Variants in NHLH2 observed in about 807,000 individuals in gnomAD.
NHLH2 encodes helix-loop-helix protein 2.
In NHLH2, 7 loss-of-function variants were observed where a neutral mutation model predicts 7.3. The ratio of observed to expected loss-of-function variants is 0.96; its 90% CI spans 0.55 to 1.81. The LOEUF (loss-of-function observed/expected upper bound fraction) is 1.81. Among genes scored for constraint, NHLH2 ranks in the 40% most tolerant of loss-of-function variants. The probability of loss-of-function intolerance (pLI) is 0.00; values close to 1 mark genes in which losing one functional copy is unlikely to be tolerated. For synonymous variants in NHLH2, 93 were observed against 91.6 expected, an observed-to-expected ratio of 1.01 and a Z score of -0.09; for missense variants, 155 against 194.0, an observed-to-expected ratio of 0.80 and a Z score of 1.19.
At position 115,836,504 on chromosome 1, in the gene NHLH2, C is replaced by G. The variant is rs1435274872; in HGVS notation, c.*1461G>C. 1.3e-5 allele frequency: 2 copies of G among 152,420 alleles called. No homozygotes were observed. The highest frequency in any genetic ancestry group is 2.9e-5 in the Non-Finnish European group (2 of 67,962). The allele number at this position is 152,420 out of a possible 1,614,324, so 9.4% of individuals were successfully genotyped here. ...ATTGCATTATATAAAGCAACAGAGA[C>G]ACAAAAAAACCCTGAAAAAGACTAA... On this transcript the variant is annotated 3_prime_UTR_variant, in exon 3 of 3. Coordinates refer to ENST00000320238, the MANE Select transcript of NHLH2 (RefSeq NM_005599.3).
intron 2 of NHLH2, chr1:115,839,986 AG>A (rs1651019261): frequency 6.0e-6 from 1 of 167,128 alleles, no homozygotes; most frequent in Non-Finnish European, 1.5e-5. Context: ...AGAAATAAAT[AG>A]ACGAGTAATG....
rs1651039029 is a variant in NHLH2 at position 115,840,391 on chromosome 1, T to G, written c.-184A>C. 1 of 167,058 alleles carries G rather than the reference T, an allele frequency of 6.0e-6. No homozygotes were observed. Among genetic ancestry groups the G allele is most frequent in the East Asian group, 1.9e-4 (1 of 5,204 alleles). The allele number at this position is 167,058 out of a possible 1,614,324, so 10.3% of individuals were successfully genotyped here. ...AGCGAGGGACAATAATATCTCAGGATGTAGACGATATGAATGATTGTTCAC... is the reference window on the plus strand; with the variant it reads ...AGCGAGGGACAATAATATCTCAGGAGGTAGACGATATGAATGATTGTTCAC... On this transcript the variant is annotated 5_prime_UTR_variant, in exon 2 of 3. Coordinates refer to ENST00000320238, the MANE Select transcript of NHLH2 (RefSeq NM_005599.3).
chr1:115,831,911 C>T (rs1009011024), downstream of NHLH2, among the ~76,000 whole-genome samples: 3 of 138,516 alleles, frequency 2.2e-5, no homozygotes, highest in Admixed American at 7.7e-5. Flanking sequence ...GGCCACAGAG[C>T]GAGACTTGGT....
downstream of NHLH2, among the ~76,000 whole-genome samples, chr1:115,835,742 A>G (rs1650853385): frequency 6.6e-6 from 1 of 152,172 alleles, no homozygotes; most frequent in Non-Finnish European, 1.5e-5. Context: ...ATAGTTTTTA[A>G]GTCATTTATG....
Position 115,838,395 on chromosome 1 carries a change from G to C in NHLH2, c.-8-15C>G, listed in dbSNP as rs1424986847. 1 of 1,607,162 alleles carries C rather than the reference G, an allele frequency of 6.2e-7. No individual in the cohort carries two copies. Among genetic ancestry groups the C allele is most frequent in the Admixed American group, 1.7e-5 (1 of 59,828 alleles). ...CATTTTGGAGGCTGAGGAGGGGTCG[G>C]AAAATTAATCAGTAAAAGGAATCAG... On this transcript the variant is annotated splice_polypyrimidine_tract_variant and intron_variant, in intron 2 of 2. Transcript: ENST00000320238.
downstream of NHLH2, among the ~76,000 whole-genome samples, chr1:115,834,084 C>T (rs1206758297): frequency 6.6e-6 from 1 of 152,202 alleles, no homozygotes; most frequent in Non-Finnish European, 1.5e-5. Flanking sequence ...TCATTTCCTC[C>T]TTACCCATTC....
chr1:115,831,693 G>T (rs962172424), downstream of NHLH2, among the ~76,000 whole-genome samples: 3 of 152,024 alleles, frequency 2.0e-5, no homozygotes, highest in South Asian at 2.1e-4. Flanking sequence ...CCTAGGGGGG[G>T]GCGGATCACC....
chr1:115,834,977 C>T (rs1650833970), downstream of NHLH2, among the ~76,000 whole-genome samples: 1 of 152,204 alleles, frequency 6.6e-6, no homozygotes, highest in African/African-American at 2.4e-5. Flanking sequence ...ACCCTCTGGT[C>T]TAGCAGACTG....
At chr1:115,833,111 G>T (rs868318872), downstream of NHLH2, among the ~76,000 whole-genome samples, 1 of 152,172 alleles carries the variant, frequency 6.6e-6, no homozygotes, top group Non-Finnish European at 1.5e-5. Flanking sequence ...AGGATGGCAC[G>T]CTAATTTTTA....
intron 2 of NHLH2, 149 bp from the exon 3 acceptor site, chr1:115,838,529 C>A (rs548245961): frequency 7.0e-6 from 6 of 851,710 alleles, no homozygotes; most frequent in Non-Finnish European, 1.1e-5. Flanking sequence ...CGCGGGAGGG[C>A]GCCGATAGGA....
downstream of NHLH2, among the ~76,000 whole-genome samples, chr1:115,831,920 G>T (rs1240708568): frequency 2.4e-5 from 2 of 84,162 alleles, no homozygotes; most frequent in African/African-American, 6.1e-5. Flanking sequence ...GCGAGACTTG[G>T]TCTCAAAAAA....
At chr1:115,831,794 T>C (rs1427693425), downstream of NHLH2, among the ~76,000 whole-genome samples, 3 of 152,040 alleles carry the variant, frequency 2.0e-5, no homozygotes, top group Admixed American at 6.6e-5. Context: ...TGGTGGTACA[T>C]GCCTGTAATC....
At chr1:115,833,086 G>A (rs1483571691), downstream of NHLH2, among the ~76,000 whole-genome samples, 1 of 152,090 alleles carries the variant, frequency 6.6e-6, no homozygotes, top group Non-Finnish European at 1.5e-5. Flanking sequence ...AAAATAAAAT[G>A]GACATTCACG....
chr1:115,832,391 T>C (rs2101190398), downstream of NHLH2, among the ~76,000 whole-genome samples: 1 of 152,342 alleles, frequency 6.6e-6, no homozygotes, highest in South Asian at 2.1e-4. Flanking sequence ...CATTACTATA[T>C]TAAAGAATTA....
At chr1:115,839,508 A>T (rs1188458612) in intron 2 of NHLH2, 1 of 166,856 alleles carries the variant, frequency 6.0e-6, no homozygotes, top group Non-Finnish European at 1.5e-5. Context: ...GGGCGCCTGG[A>T]GCACTGGCCC....
downstream of NHLH2, among the ~76,000 whole-genome samples, chr1:115,834,671 G>T (rs566275587): frequency 6.6e-6 from 1 of 152,234 alleles, no homozygotes; most frequent in East Asian, 1.9e-4. Flanking sequence ...AGCACGTCCA[G>T]CCCCCATCCT....
chr1:115,833,325 C>T (rs1650794399), downstream of NHLH2, among the ~76,000 whole-genome samples: 1 of 152,220 alleles, frequency 6.6e-6, no homozygotes, highest in African/African-American at 2.4e-5. Flanking sequence ...AAGGCACATG[C>T]TTGACTTGGC....
At chr1:115,831,474 CT>C (rs1250176356), downstream of NHLH2, among the ~76,000 whole-genome samples, 1 of 152,126 alleles carries the variant, frequency 6.6e-6, no homozygotes, top group Non-Finnish European at 1.5e-5. Context: ...GATAAGGACT[CT>C]TTTTTCTTTT....
In NHLH2 at chr1:115,837,938, A is replaced by G; in HGVS notation, c.*27T>C. 6.3e-7 allele frequency: 1 copy of G among 1,584,086 alleles called. No individual in the cohort carries two copies. The highest frequency in any genetic ancestry group is 8.6e-7 in the Non-Finnish European group (1 of 1,167,508). Reference sequence around the variant, plus strand: ...CGTAGCGTTTCGCGGACGCCGGGACAGGCGGCCCCCCGCGGCGCACCCCGC... The same window carrying G: ...CGTAGCGTTTCGCGGACGCCGGGACGGGCGGCCCCCCGCGGCGCACCCCGC... On this transcript the variant is annotated 3_prime_UTR_variant, in exon 3 of 3. Transcript: ENST00000320238.
Sources: allele counts gnomAD v4.1 joint callset (sites outside exome capture counted in the v4.1 genomes callset), GRCh38; gene constraint gnomAD v4.1.1; transcripts MANE v1.5; gene names NCBI Gene and HGNC (gene_info 2026-07-23, HGNC 2026-07-21).